PAPPA: variants seen among roughly 807,000 people sequenced by gnomAD.
The protein encoded by PAPPA is pappalysin 1.
PAPPA carries 60 observed loss-of-function variants against 164.0 expected under a neutral mutation model. That is an observed-to-expected ratio of 0.37 (90% CI 0.30 to 0.45). PAPPA has a LOEUF of 0.45. PAPPA is among the 20% of genes least tolerant of loss of function. PAPPA has a pLI of 1.00. For missense variants in PAPPA, 1,782 were observed against 2,087.3 expected, an observed-to-expected ratio of 0.85 and a Z score of 2.85; for synonymous variants, 875 against 814.1, an observed-to-expected ratio of 1.07 and a Z score of -1.27.
chr9:116,220,079 C>A lies in PAPPA; in HGVS notation c.2061C>A (p.Asp687Glu). 1 of 1,614,106 alleles carries A rather than the reference C, an allele frequency of 6.2e-7. No individual in the cohort carries two copies. The highest frequency in any genetic ancestry group is 1.1e-5 in the South Asian group (1 of 91,084). Residue 687 changes from aspartate (D) to glutamate (E), a missense_variant, in exon 5 of 22, where the codon GAC becomes GAA. Asp to Glu is a conservative substitution (Grantham distance 45). Transcript: ENST00000328252. ...CCCAAGTTCTGGGCCACACAACGGA[C>A]TCTGTGACACTGGAGTGGTTCCCAC... is the stretch of plus-strand genomic sequence containing the variant. ...LAPQVLGHTT[D>E]SVTLEWFPPI...
intron 7 of PAPPA, among the ~76,000 whole-genome samples, chr9:116,257,715 A>G (rs900774942): frequency 6.6e-6 from 1 of 152,080 alleles, no homozygotes; most frequent in South Asian, 2.1e-4. Context: ...AAACAAAAAA[A>G]GTCTGAGGAT....
Position 116,396,504 on chromosome 9 carries a change from T to C in PAPPA, c.4777-5T>C, listed in dbSNP as rs201576697. The stretch of plus-strand genomic sequence containing the variant: ...AATCACCTGATTCACTTCTTCTTTC[T>C]GCAGGTCACCCCATTCCCTATGTCC... On this transcript the variant is annotated splice_polypyrimidine_tract_variant and splice_region_variant and intron_variant, in intron 21 of 21. Transcript: ENST00000328252. The C allele has an allele frequency of 3.6e-4, 282 of 780,642 alleles. 1 individual carries two copies. In the African/African-American group the frequency reaches 4.5e-3, roughly 12 times the overall value. The allele number at this position is 780,642 out of a possible 1,614,324, so 48.4% of individuals were successfully genotyped here.
chr9:116,230,991 A>G (rs879938243), intron 6 of PAPPA, among the ~76,000 whole-genome samples: 15 of 152,098 alleles, frequency 9.9e-5, no homozygotes, highest in Admixed American at 9.2e-4. Flanking sequence ...TCTGCCCAGA[A>G]TATTTCAGGT....
At chr9:116,214,498 T>G (rs2118691682) in intron 4 of PAPPA, among the ~76,000 whole-genome samples, 1 of 152,284 alleles carries the variant, frequency 6.6e-6, no homozygotes, top group African/African-American at 2.4e-5. Flanking sequence ...CCTGTGTTAC[T>G]AACTAGTAAG....
At chr9:116,192,519 C>T (rs904194608) in intron 2 of PAPPA, among the ~76,000 whole-genome samples, 2 of 152,146 alleles carry the variant, frequency 1.3e-5, no homozygotes, top group African/African-American at 4.8e-5. Context: ...TTGTTGAATG[C>T]TCTCTCTGTG....
At chr9:116,225,657 A>G (rs568074212) in intron 5 of PAPPA, among the ~76,000 whole-genome samples, 1 of 152,332 alleles carries the variant, frequency 6.6e-6, no homozygotes, top group Non-Finnish European at 1.5e-5. Context: ...TGATTCTCTT[A>G]TCACTGAATA....
At chr9:116,210,488 C>T (rs192157746) in intron 3 of PAPPA, among the ~76,000 whole-genome samples, 1 of 152,310 alleles carries the variant, frequency 6.6e-6, no homozygotes, top group Admixed American at 6.5e-5. Flanking sequence ...AGATGCTGCT[C>T]TACACCTAAA....
intron 10 of PAPPA, among the ~76,000 whole-genome samples, chr9:116,305,186 ATAAT>A (rs1293800536): frequency 3.7e-5 from 5 of 136,712 alleles, no homozygotes; most frequent in South Asian, 4.8e-4. Context: ...CGGAGTCTGC[ATAAT>A]TAGAGGTAAA....
intron 12 of PAPPA, 148 bp downstream of exon 12, chr9:116,332,616 C>A: frequency 1.4e-6 from 1 of 701,216 alleles, no homozygotes; most frequent in Non-Finnish European, 2.3e-6. Flanking sequence ...TGGTTGCCCT[C>A]AAATCAAGAT....
intron 9 of PAPPA, among the ~76,000 whole-genome samples, chr9:116,283,076 G>A (rs535610572): frequency 6.6e-6 from 1 of 152,236 alleles, no homozygotes; most frequent in African/African-American, 2.4e-5. Flanking sequence ...CATGCACACG[G>A]TTGCTTTTCT....
intron 7 of PAPPA, among the ~76,000 whole-genome samples, chr9:116,245,167 A>G (rs577896080): frequency 2.0e-5 from 3 of 151,284 alleles, no homozygotes. Flanking sequence ...AGGGTGGGGG[A>G]ATGGAAGGGG....
intron 7 of PAPPA, among the ~76,000 whole-genome samples, chr9:116,243,126 G>A (rs1381886244): frequency 6.6e-6 from 1 of 152,122 alleles, no homozygotes; most frequent in African/African-American, 2.4e-5. Context: ...AAGTTAAGAG[G>A]GAAATAGCAT....
intron 2 of PAPPA, among the ~76,000 whole-genome samples, chr9:116,190,133 A>G (rs962166741): frequency 2.0e-5 from 3 of 152,212 alleles, no homozygotes; most frequent in African/African-American, 7.2e-5. Flanking sequence ...AAATAGAGGA[A>G]ACTTAGAGAG....
At chr9:116,289,186 C>CAT (rs368151862) in intron 9 of PAPPA, among the ~76,000 whole-genome samples, 296 of 24,298 alleles carry the variant, frequency 0.012, 37 homozygotes, top group African/African-American at 0.038. Context: ...ATATATGTAG[C>CAT]ATATATATAG....
rs768918315 is a variant in PAPPA at position 116,332,784 on chromosome 9, G to A, written c.3397+316G>A. ...GAGACTGAGTAAGAGCCATTTCCCC[G>A]TTGTACATGTCACCATCTGAGACCC... On this transcript the variant is annotated intron_variant, in intron 12 of 21. Coordinates refer to ENST00000328252, the MANE Select transcript of PAPPA (RefSeq NM_002581.5). 2.0e-4 allele frequency: 44 copies of A among 218,930 alleles called. 1 individual carries two copies. The Middle Eastern group carries it at 6.7e-3, about 33-fold the overall frequency. The allele number at this position is 218,930 out of a possible 1,614,324, so 13.6% of individuals were successfully genotyped here. A position where few individuals can be genotyped will look rare whatever the true frequency, so the allele number is the denominator to read the frequency against.
chr9:116,224,819 A>G (rs1433898243), intron 5 of PAPPA, among the ~76,000 whole-genome samples: 2 of 152,244 alleles, frequency 1.3e-5, no homozygotes, highest in Non-Finnish European at 2.9e-5. Context: ...TTTAATTTTC[A>G]TGAAACCCAA....
chr9:116,217,260 T>G (rs1844385423), intron 4 of PAPPA, among the ~76,000 whole-genome samples: 1 of 152,198 alleles, frequency 6.6e-6, no homozygotes, highest in African/African-American at 2.4e-5. Flanking sequence ...GAGAAATGCT[T>G]TTTGTGCCCT....
At chr9:116,257,631 C>T (rs1239373894) in intron 7 of PAPPA, among the ~76,000 whole-genome samples, 2 of 151,784 alleles carry the variant, frequency 1.3e-5, no homozygotes, top group East Asian at 2.0e-4. Flanking sequence ...GAACCCCAGA[C>T]GCGGAGCTTG....
At chr9:116,297,842 A>G (rs891220944) in intron 9 of PAPPA, among the ~76,000 whole-genome samples, 1 of 152,184 alleles carries the variant, frequency 6.6e-6, no homozygotes, top group Non-Finnish European at 1.5e-5. Context: ...TGTCTTTAAG[A>G]CCAGTATTAT....
Sources: allele counts gnomAD v4.1 joint callset (sites outside exome capture counted in the v4.1 genomes callset), GRCh38; gene constraint gnomAD v4.1.1; transcripts MANE v1.5; gene names NCBI Gene and HGNC (gene_info 2026-07-23, HGNC 2026-07-21).